Variants in FAM177A1 observed in about 807,000 individuals in gnomAD.
FAM177A1 encodes the protein family with sequence similarity 177 member A1, also known as protein FAM177A1.
Under a neutral mutation model 26.1 loss-of-function variants are expected in FAM177A1, and 22 were observed. That is an observed-to-expected ratio of 0.84 (90% CI 0.60 to 1.20). The LOEUF (loss-of-function observed/expected upper bound fraction) is 1.20. Ranked by LOEUF, FAM177A1 falls within the 50% of genes most tolerant of loss-of-function variation. FAM177A1 has a pLI of 0.00. For synonymous variants in FAM177A1, 95 were observed against 99.3 expected, an observed-to-expected ratio of 0.96 and a Z score of 0.26; for missense variants, 296 against 291.1, an observed-to-expected ratio of 1.02 and a Z score of -0.12.
At chr14:35,047,387 G>A (rs2044884907) in intron 1 of FAM177A1, among the ~76,000 whole-genome samples, 1 of 152,122 alleles carries the variant, frequency 6.6e-6, no homozygotes, top group Non-Finnish European at 1.5e-5. Context: ...CGCAGTTCTG[G>A]CTGACCACAT....
At position 35,081,543 on chromosome 14, in the gene FAM177A1, T is replaced by C. The variant is rs2045484223; in HGVS notation, c.*315T>C. 1 of 178,116 alleles carries C rather than the reference T, an allele frequency of 5.6e-6. No individual in the cohort carries two copies. The highest frequency in any genetic ancestry group is 2.4e-5 in the African/African-American group (1 of 42,266). The allele number at this position is 178,116 out of a possible 1,614,324, so 11.0% of individuals were successfully genotyped here. A position where few individuals can be genotyped will look rare whatever the true frequency, so the allele number is the denominator to read the frequency against. On this transcript the variant is annotated 3_prime_UTR_variant, in exon 5 of 5. Coordinates refer to ENST00000280987, the MANE Select transcript of FAM177A1 (RefSeq NM_173607.5). ...AAATTATCAAGCCTATTTGTGCATT[T>C]GCTTTTTTTGAAAAAGGTAAGTTGC... is the stretch of plus-strand genomic sequence containing the variant.
chr14:35,068,374 T>C (rs1179844096), intron 2 of FAM177A1, among the ~76,000 whole-genome samples: 1 of 152,266 alleles, frequency 6.6e-6, no homozygotes, highest in Non-Finnish European at 1.5e-5. Context: ...TGTTTGCTCC[T>C]GTAGATTTAC....
chr14:35,055,338 A>C (rs1001473807), intron 2 of FAM177A1, among the ~76,000 whole-genome samples: 1 of 46,920 alleles, frequency 2.1e-5, no homozygotes, highest in East Asian at 6.1e-4. Flanking sequence ...CTACACAGAA[A>C]ATATTCAAAG....
chr14:35,055,327 T>C (rs1293095653), intron 2 of FAM177A1, among the ~76,000 whole-genome samples: 3 of 92,782 alleles, frequency 3.2e-5, no homozygotes, highest in Non-Finnish European at 7.1e-5. Flanking sequence ...AATCGGATAT[T>C]CTACACAGAA....
chr14:35,076,447 TG>T (rs1389033708), intron 2 of FAM177A1, among the ~76,000 whole-genome samples: 2 of 142,036 alleles, frequency 1.4e-5, no homozygotes, highest in African/African-American at 5.3e-5. Context: ...TGTTGTGGGG[TG>T]GGGGGAGCGG....
intron 2 of FAM177A1, among the ~76,000 whole-genome samples, chr14:35,063,039 G>T (rs2045183780): frequency 6.6e-6 from 1 of 150,446 alleles, no homozygotes; most frequent in African/African-American, 2.4e-5. Context: ...CCAGCACTTT[G>T]GGAGGCTGAG....
intron 2 of FAM177A1, among the ~76,000 whole-genome samples, chr14:35,076,819 C>T (rs2045404007): frequency 6.6e-6 from 1 of 152,090 alleles, no homozygotes; most frequent in South Asian, 2.1e-4. Context: ...ATAGTGGAGA[C>T]AAAAATGCAG....
intron 2 of FAM177A1, among the ~76,000 whole-genome samples, chr14:35,055,846 T>C (rs920950554): frequency 1.3e-5 from 2 of 152,162 alleles, no homozygotes; most frequent in African/African-American, 4.8e-5. Flanking sequence ...CTTGTTACTA[T>C]GTGTCTTTTT....
In FAM177A1 at chr14:35,076,953, TTA is replaced by T. The variant is rs2045405907; in HGVS notation, c.340-193_340-192del. On this transcript the variant is annotated intron_variant, in intron 2 of 4. Transcript: ENST00000280987. ...TTCTATGGGCTTAAGGTGGTGGTAG[TTA>T]TATGGGTGAATGTAAAATATCTTTG... is the stretch of plus-strand genomic sequence containing the variant. Among the ~76,000 whole-genome samples, 5 of 152,304 alleles carry T rather than the reference TTA, an allele frequency of 3.3e-5. No homozygotes were observed. In the South Asian group the frequency reaches 1.0e-3, roughly 32 times the overall value.
chr14:35,052,064 A>G (rs2044980628), intron 1 of FAM177A1, among the ~76,000 whole-genome samples: 1 of 152,188 alleles, frequency 6.6e-6, no homozygotes, highest in African/African-American at 2.4e-5. Context: ...GACTGTAATC[A>G]TGACATTACT....
intron 3 of FAM177A1, among the ~76,000 whole-genome samples, chr14:35,078,385 T>C (rs2045429081): frequency 6.6e-6 from 1 of 152,226 alleles, no homozygotes; most frequent in South Asian, 2.1e-4. Context: ...AGAGTCTTGC[T>C]CTTTCATCAA....
At chr14:35,063,016 C>T (rs1471258435) in intron 2 of FAM177A1, among the ~76,000 whole-genome samples, 2 of 149,252 alleles carry the variant, frequency 1.3e-5, no homozygotes, top group East Asian at 3.9e-4. Context: ...TGCGGTGGAC[C>T]ACGCCTGTAA....
intron 2 of FAM177A1, among the ~76,000 whole-genome samples, chr14:35,073,066 T>TCTG (rs1241989219): frequency 6.6e-6 from 1 of 151,016 alleles, no homozygotes; most frequent in Non-Finnish European, 1.5e-5. Context: ...AGGGTTCTCT[T>TCTG]CTTCTTCTTC....
At position 35,046,459 on chromosome 14, in the gene FAM177A1, C is replaced by A. The variant is rs752993000; in HGVS notation, c.-5C>A. On this transcript the variant is annotated 5_prime_UTR_variant, in exon 1 of 5. Coordinates refer to ENST00000280987, the MANE Select transcript of FAM177A1 (RefSeq NM_173607.5). Reference sequence around the variant, plus strand: ...TCGGCCAGCGACTGGGCGGGGAGACCAAGGATGGAAGTGGGCTTACCGGCC... The same window carrying A: ...TCGGCCAGCGACTGGGCGGGGAGACAAAGGATGGAAGTGGGCTTACCGGCC... 3.2e-6 allele frequency: 5 copies of A among 1,560,628 alleles called. No individual in the cohort carries two copies. In the South Asian group the frequency reaches 5.8e-5, roughly 18 times the overall value.
chr14:35,047,154 A>G (rs1442095589), intron 1 of FAM177A1: 1 of 295,172 alleles, frequency 3.4e-6, no homozygotes, highest in Non-Finnish European at 5.0e-6. Context: ...CATAAATAGA[A>G]TGCAAGCTGC....
At chr14:35,052,450 C>A (rs1268038107) in intron 1 of FAM177A1, among the ~76,000 whole-genome samples, 1 of 151,894 alleles carries the variant, frequency 6.6e-6, no homozygotes, top group African/African-American at 2.4e-5. Flanking sequence ...ACCTTGTGAT[C>A]CGCCTGCCTC....
At chr14:35,044,923 G>T (rs2044839423), upstream of FAM177A1, 1 of 150,866 alleles carries the variant, frequency 6.6e-6, no homozygotes, top group Non-Finnish European at 1.5e-5. Flanking sequence ...ATTGTAATTT[G>T]ATATTTAATT....
intron 2 of FAM177A1, among the ~76,000 whole-genome samples, chr14:35,075,279 T>C (rs1224479578): frequency 1.3e-5 from 2 of 152,226 alleles, no homozygotes; most frequent in Non-Finnish European, 1.5e-5. Flanking sequence ...TTACCAAATA[T>C]GCACTGAACT....
In FAM177A1 at chr14:35,046,701, T is replaced by C. The variant is rs749104104; in HGVS notation, c.165+73T>C. The C allele has an allele frequency of 1.6e-5, 23 of 1,464,978 alleles. No homozygotes were observed. The African/African-American group carries it at 2.8e-4, about 18-fold the overall frequency. The allele number at this position is 1,464,978 out of a possible 1,614,324, so 90.7% of individuals were successfully genotyped here. ...TTGCCTTCTCCGCGGGCCGCTCTTTTAGCCTGCGCGGCCGTCCTCCGAGCA... is the reference window on the plus strand; with the variant it reads ...TTGCCTTCTCCGCGGGCCGCTCTTTCAGCCTGCGCGGCCGTCCTCCGAGCA... On this transcript the variant is annotated intron_variant, in intron 1 of 4. Transcript: ENST00000280987.
Sources: allele counts gnomAD v4.1 joint callset (sites outside exome capture counted in the v4.1 genomes callset), GRCh38; gene constraint gnomAD v4.1.1; transcripts MANE v1.5; gene names NCBI Gene and HGNC (gene_info 2026-07-23, HGNC 2026-07-21).